The following CAMSAP2 variants were observed in gnomAD, a reference collection of about 807,000 sequenced individuals.
CAMSAP2 encodes calmodulin-regulated spectrin-associated protein 2.
In CAMSAP2, 26 loss-of-function variants were observed where a neutral mutation model predicts 146.1. The ratio of observed to expected loss-of-function variants is 0.18; its 90% CI spans 0.13 to 0.25. The LOEUF is 0.25. Among genes scored for constraint, CAMSAP2 ranks in the 10% least tolerant of loss-of-function variants. The pLI is 1.00. For missense variants in CAMSAP2, 1,381 were observed against 1,759.3 expected (o/e 0.78, Z 3.85); for synonymous variants, 499 against 596.6 (o/e 0.84, Z 2.38).
intron 4 of CAMSAP2, among the ~76,000 whole-genome samples, chr1:200,822,246 T>C (rs538781368): frequency 1.6e-4 from 24 of 152,108 alleles, no homozygotes; most frequent in Non-Finnish European, 3.1e-4. Flanking sequence ...TACTTCAATA[T>C]ATATTTCCTA....
At chr1:200,767,421 T>C (rs1489366027) in intron 2 of CAMSAP2, among the ~76,000 whole-genome samples, 4 of 150,488 alleles carry the variant, frequency 2.7e-5, no homozygotes, top group African/African-American at 9.7e-5. Flanking sequence ...TTTTGCTGGA[T>C]ACACAAAATG....
intron 6 of CAMSAP2, among the ~76,000 whole-genome samples, chr1:200,841,720 T>C (rs1667328151): frequency 6.6e-6 from 1 of 152,168 alleles, no homozygotes; most frequent in African/African-American, 2.4e-5. Flanking sequence ...TTATATATTA[T>C]CTCAGTGTTC....
intron 4 of CAMSAP2, among the ~76,000 whole-genome samples, chr1:200,822,441 C>T (rs766098160): frequency 2.0e-5 from 3 of 152,068 alleles, no homozygotes; most frequent in Non-Finnish European, 2.9e-5. Flanking sequence ...AAGAATCGGG[C>T]TATTTTAATA....
intron 8 of CAMSAP2, 103 bp downstream of exon 8, chr1:200,844,972 G>T: frequency 1.7e-6 from 1 of 596,908 alleles, no homozygotes. Flanking sequence ...AATTTCAGTT[G>T]GATTTTGAAC....
intron 1 of CAMSAP2, among the ~76,000 whole-genome samples, chr1:200,750,245 C>G (rs943389007): frequency 2.6e-5 from 4 of 152,044 alleles, no homozygotes; most frequent in Non-Finnish European, 5.9e-5. Flanking sequence ...AGGGGGAAGA[C>G]TTTAGCCTGG....
chr1:200,827,332 T>C (rs751239050), intron 4 of CAMSAP2, among the ~76,000 whole-genome samples: 1 of 152,354 alleles, frequency 6.6e-6, no homozygotes, highest in Non-Finnish European at 1.5e-5. Context: ...CAATAATTTC[T>C]TGTTATCACC....
chr1:200,790,409 G>A (rs372797054), intron 2 of CAMSAP2, among the ~76,000 whole-genome samples: 2 of 152,236 alleles, frequency 1.3e-5, no homozygotes, highest in South Asian at 4.1e-4. Context: ...GTTCAAGCCA[G>A]AGCCTGGTTG....
intron 4 of CAMSAP2, among the ~76,000 whole-genome samples, chr1:200,830,316 TG>T (rs1667010735): frequency 1.3e-5 from 2 of 152,298 alleles, no homozygotes; most frequent in African/African-American, 4.8e-5. Context: ...TGTGTGTGTG[TG>T]TGTGCACGTG....
At position 200,824,730 on chromosome 1, in the gene CAMSAP2, G is replaced by A. The variant is rs1049330283; in HGVS notation, c.646-7470G>A. Among the ~76,000 whole-genome samples, 12 of 152,240 alleles carry A rather than the reference G, an allele frequency of 7.9e-5. No homozygotes were observed. The South Asian group carries it at 8.3e-4, about 11-fold the overall frequency. On this transcript the variant is annotated intron_variant, in intron 4 of 16. Coordinates refer to ENST00000358823, the MANE Select transcript of CAMSAP2 (RefSeq NM_203459.4). ...ATGGTGGCTCAAGCCTATAATCCCC[G>A]CACTTTGGGAGGCCGAGGCGGGTGG...
chr1:200,749,603 T>A (rs1297892324), intron 1 of CAMSAP2, among the ~76,000 whole-genome samples: 1 of 152,234 alleles, frequency 6.6e-6, no homozygotes, highest in Non-Finnish European at 1.5e-5. Flanking sequence ...ACTGCTTACC[T>A]TTATTTAACA....
chr1:200,836,186 C>CTTG (rs1667180564), intron 6 of CAMSAP2, among the ~76,000 whole-genome samples: 1 of 151,940 alleles, frequency 6.6e-6, no homozygotes, highest in Non-Finnish European at 1.5e-5. Flanking sequence ...GTTTGTGGTA[C>CTTG]AGATTTTTAT....
chr1:200,750,476 C>T (rs1433806375), intron 1 of CAMSAP2, among the ~76,000 whole-genome samples: 2 of 151,954 alleles, frequency 1.3e-5, no homozygotes, highest in Non-Finnish European at 2.9e-5. Context: ...ATAAAGAATT[C>T]CCAAATACTC....
chr1:200,766,108 A>G (rs1298224853), intron 2 of CAMSAP2, among the ~76,000 whole-genome samples: 2 of 150,970 alleles, frequency 1.3e-5, no homozygotes, highest in East Asian at 3.9e-4. Flanking sequence ...CTCAGATTTT[A>G]TCTATTGTTT....
chr1:200,755,924 G>C (rs1223209177), intron 1 of CAMSAP2, among the ~76,000 whole-genome samples: 1 of 152,188 alleles, frequency 6.6e-6, no homozygotes, highest in African/African-American at 2.4e-5. Context: ...AATGGAAAGA[G>C]CCAACCATTC....
intron 9 of CAMSAP2, 81 bp downstream of exon 9, chr1:200,847,373 C>A: frequency 6.5e-6 from 7 of 1,073,778 alleles, no homozygotes; most frequent in South Asian, 2.8e-5. Flanking sequence ...TATAAATAAA[C>A]AAATATCCAG....
chr1:200,745,227 C>T (rs7533592), intron 1 of CAMSAP2, among the ~76,000 whole-genome samples: 15,757 of 152,064 alleles, frequency 0.1, 894 homozygotes, highest in Middle Eastern at 0.14. Context: ...CTCTACCCAC[C>T]TGATGCCAGT....
At chr1:200,809,083 G>A (rs1666255101) in intron 3 of CAMSAP2, among the ~76,000 whole-genome samples, 1 of 152,104 alleles carries the variant, frequency 6.6e-6, no homozygotes, top group Non-Finnish European at 1.5e-5. Flanking sequence ...GCTTTCCCAC[G>A]CTTCATGACA....
chr1:200,802,927 G>A (rs896577200), intron 2 of CAMSAP2, among the ~76,000 whole-genome samples: 3 of 152,154 alleles, frequency 2.0e-5, no homozygotes, highest in Non-Finnish European at 4.4e-5. Flanking sequence ...GCCTTTGGAT[G>A]ATACTTCAGC....
At chr1:200,837,500 G>A (rs1488773342) in intron 6 of CAMSAP2, among the ~76,000 whole-genome samples, 19 of 152,276 alleles carry the variant, frequency 1.2e-4, no homozygotes, top group Admixed American at 1.2e-3. Flanking sequence ...TTGCAGTCAG[G>A]TAACATGATG....
Sources: allele counts gnomAD v4.1 joint callset (sites outside exome capture counted in the v4.1 genomes callset), GRCh38; gene constraint gnomAD v4.1.1; transcripts MANE v1.5; gene names NCBI Gene and HGNC (gene_info 2026-07-23, HGNC 2026-07-21).